Variants in CCDC148 observed in about 807,000 individuals in gnomAD.
CCDC148 encodes the protein coiled-coil domain containing 148, also known as coiled-coil domain-containing protein 148.
A neutral mutation model predicts 85.7 loss-of-function variants in CCDC148; 89 were observed. That is an observed-to-expected ratio of 1.04 (90% CI 0.87 to 1.24). The LOEUF is 1.24. Ranked by LOEUF, CCDC148 falls within the 50% of genes most tolerant of loss-of-function variation. CCDC148 has a pLI of 0.00. For missense variants in CCDC148, 692 were observed against 671.7 expected (o/e 1.03, Z -0.33); for synonymous variants, 230 against 213.9 (o/e 1.08, Z -0.66).
Position 158,340,832 on chromosome 2 carries a change from T to C in CCDC148, c.252-152A>G, listed in dbSNP as rs538608287. ...TTCCTAACATGGCTTGAGTCTTTAC[T>C]AGACACTGAGGTAGATGCATAGGCT... On this transcript the variant is annotated intron_variant, in intron 3 of 13. Coordinates refer to ENST00000283233, the MANE Select transcript of CCDC148 (RefSeq NM_138803.4). 7 of 594,110 alleles carry C rather than the reference T, an allele frequency of 1.2e-5. No homozygotes were observed. The East Asian group carries it at 1.8e-4, about 15-fold the overall frequency. The allele number at this position is 594,110 out of a possible 1,614,324, so 36.8% of individuals were successfully genotyped here. A position where few individuals can be genotyped will look rare whatever the true frequency, so the allele number is the denominator to read the frequency against.
chr2:158,262,623 T>C (rs143128376), intron 9 of CCDC148, among the ~76,000 whole-genome samples: 11 of 152,066 alleles, frequency 7.2e-5, no homozygotes, highest in Admixed American at 2.0e-4. Flanking sequence ...CTTAAAATCA[T>C]GGCAGAAGGT....
chr2:158,310,665 GCTC>G (rs1559061442), intron 8 of CCDC148, among the ~76,000 whole-genome samples: 2 of 147,670 alleles, frequency 1.4e-5, no homozygotes, highest in African/African-American at 5.1e-5. Flanking sequence ...AGGCAGAGGC[GCTC>G]CTCACTTCCC....
intron 1 of CCDC148, among the ~76,000 whole-genome samples, chr2:158,391,492 T>C (rs1415766547): frequency 6.6e-6 from 1 of 152,162 alleles, no homozygotes. Flanking sequence ...TCTATTAAAA[T>C]ATTAGAAAAA....
intron 1 of CCDC148, among the ~76,000 whole-genome samples, chr2:158,386,161 G>C (rs866027217): frequency 1.1e-4 from 16 of 152,192 alleles, no homozygotes; most frequent in Middle Eastern, 3.4e-3. Context: ...ATTACCAAGA[G>C]AGCACCTGTT....
chr2:158,249,813 G>A lies in CCDC148; in HGVS notation c.1251+959C>T, dbSNP rs187183175. Among the ~76,000 whole-genome samples, 34 of 152,182 alleles carry A rather than the reference G, an allele frequency of 2.2e-4. No homozygotes were observed. The East Asian group carries it at 6.4e-3, about 29-fold the overall frequency. On this transcript the variant is annotated intron_variant, in intron 10 of 13. Transcript: ENST00000283233. ...CTTAGTTGGTCACATAGTGCAAAACGTCAACCATGTTCACAAAAATGAAAA... is the reference window on the plus strand; with the variant it reads ...CTTAGTTGGTCACATAGTGCAAAACATCAACCATGTTCACAAAAATGAAAA...
intron 8 of CCDC148, among the ~76,000 whole-genome samples, chr2:158,312,443 G>A (rs1016498952): frequency 9.9e-5 from 15 of 151,852 alleles, no homozygotes; most frequent in African/African-American, 3.4e-4. Context: ...TTAGCTGGGC[G>A]TGGTAGCCTG....
At position 158,289,325 on chromosome 2, in the gene CCDC148, C is replaced by T. The variant is rs578027038; in HGVS notation, c.1110+20108G>A. ...GAAAACATACCTGAAAAACATATAA[C>T]CCACAAAGAACTAATATGCAAAATA... On this transcript the variant is annotated intron_variant, in intron 9 of 13. Transcript: ENST00000283233. Among the ~76,000 whole-genome samples, 3 of 151,874 alleles carry T rather than the reference C, an allele frequency of 2.0e-5. No individual in the cohort carries two copies. In the East Asian group the frequency reaches 5.8e-4, roughly 29 times the overall value.
chr2:158,185,269 A>G (rs1307024993), intron 11 of CCDC148, among the ~76,000 whole-genome samples: 1 of 152,130 alleles, frequency 6.6e-6, no homozygotes, highest in Non-Finnish European at 1.5e-5. Context: ...AATAATGGCT[A>G]TTACTGAACC....
At chr2:158,337,273 G>A (rs1278906977) in intron 7 of CCDC148, among the ~76,000 whole-genome samples, 1 of 152,116 alleles carries the variant, frequency 6.6e-6, no homozygotes, top group African/African-American at 2.4e-5. Flanking sequence ...TCTGGGAGAG[G>A]AGGTACTGGG....
At chr2:158,304,026 A>T (rs1691568692) in intron 9 of CCDC148, among the ~76,000 whole-genome samples, 1 of 152,100 alleles carries the variant, frequency 6.6e-6, no homozygotes, top group African/African-American at 2.4e-5. Context: ...CTCCATTCAG[A>T]TGTTCTCCAA....
intron 10 of CCDC148, among the ~76,000 whole-genome samples, chr2:158,226,275 G>A (rs9711773): frequency 6.6e-6 from 1 of 151,826 alleles, no homozygotes; most frequent in Non-Finnish European, 1.5e-5. Flanking sequence ...AATCTCTGAA[G>A]AGACCAATAA....
chr2:158,403,533 T>C (rs1000357536), intron 1 of CCDC148, among the ~76,000 whole-genome samples: 2 of 152,012 alleles, frequency 1.3e-5, no homozygotes, highest in African/African-American at 4.8e-5. Flanking sequence ...AACTAAACAA[T>C]AAAGCGGTTC....
At chr2:158,412,967 G>T (rs1041018983) in intron 1 of CCDC148, among the ~76,000 whole-genome samples, 1 of 151,168 alleles carries the variant, frequency 6.6e-6, no homozygotes, top group Non-Finnish European at 1.5e-5. Flanking sequence ...TCGTCATTTA[G>T]CATTAGGTAT....
In CCDC148 at chr2:158,286,764, A is replaced by G. The variant is rs149245799; in HGVS notation, c.1110+22669T>C. 5.3e-3 allele frequency among the ~76,000 whole-genome samples: 805 copies of G among 152,316 alleles called. 7 individuals carry two copies. Among genetic ancestry groups the G allele is most frequent in the African/African-American group, 0.018 (755 of 41,554 alleles). On this transcript the variant is annotated intron_variant, in intron 9 of 13. Transcript: ENST00000283233. ...AGAGCTTACAATAAAAGGTACTGGG[A>G]CAACTGGGTATCCTTATGATAAAAA...
rs1222521908 is a variant in CCDC148 at position 158,425,265 on chromosome 2, C to T, written c.25+31150G>A. 4 of 537,066 alleles carry T rather than the reference C, an allele frequency of 7.4e-6. No individual in the cohort carries two copies. In the African/African-American group the frequency reaches 7.7e-5, roughly 10 times the overall value. The allele number at this position is 537,066 out of a possible 1,614,324, so 33.3% of individuals were successfully genotyped here. On this transcript the variant is annotated intron_variant, in intron 1 of 13. Coordinates refer to ENST00000283233, the MANE Select transcript of CCDC148 (RefSeq NM_138803.4). ...AGAGAGCACTTATGGCAAGGCATCT[C>T]CAGGGGGTCGCAATCACCAAAACAA...
intron 9 of CCDC148, among the ~76,000 whole-genome samples, chr2:158,277,726 A>G (rs1277205413): frequency 6.6e-6 from 1 of 152,070 alleles, no homozygotes; most frequent in Non-Finnish European, 1.5e-5. Flanking sequence ...CCTCCCGAGT[A>G]GCTGGGACTA....
intron 7 of CCDC148, among the ~76,000 whole-genome samples, chr2:158,337,077 G>T (rs934262515): frequency 2.0e-5 from 3 of 152,046 alleles, no homozygotes; most frequent in African/African-American, 7.2e-5. Flanking sequence ...AGTCACACAG[G>T]GTTGCATTAT....
In CCDC148 at chr2:158,340,253, C is replaced by G. The variant is rs771347828; in HGVS notation, c.475G>C (p.Val159Leu). 6.8e-6 allele frequency: 11 copies of G among 1,613,678 alleles called. No homozygotes were observed. In the East Asian group the frequency reaches 2.0e-4, roughly 29 times the overall value. ...GGTAACATACTAACCTCTTCCAATA[C>G]TTTCATGGAGTTAAACTCAATATGT... ...HPHIEFNSMKVLEEVDFVKKQ... is the reference protein window; with the variant it reads ...HPHIEFNSMKLLEEVDFVKKQ... The change falls in exon 5 of 14, where the codon GTA (valine) becomes CTA (leucine). Residue 159 changes from valine (V) to leucine (L), a missense_variant. Val to Leu is a conservative substitution (Grantham distance 32). Transcript: ENST00000283233.
rs373337648 is a variant in CCDC148, at chr2:158,445,988, T to C, written c.25+10427A>G. ...GCTTTAATGAATATAGTCATTAAAA[T>C]AGACACTGGAAAAAATATGGAAGAA... On this transcript the variant is annotated intron_variant, in intron 1 of 13. Transcript: ENST00000283233. Among the ~76,000 whole-genome samples, 4 of 152,312 alleles carry C rather than the reference T, an allele frequency of 2.6e-5. No individual in the cohort carries two copies. In the East Asian group the frequency reaches 5.8e-4, roughly 22 times the overall value.
Sources: allele counts gnomAD v4.1 joint callset (sites outside exome capture counted in the v4.1 genomes callset), GRCh38; gene constraint gnomAD v4.1.1; transcripts MANE v1.5; gene names NCBI Gene and HGNC (gene_info 2026-07-23, HGNC 2026-07-21).